Variants in SLC39A11 observed in about 807,000 individuals in gnomAD.
SLC39A11 encodes zinc transporter ZIP11.
SLC39A11 carries 33 observed loss-of-function variants against 36.1 expected under a neutral mutation model. The observed-to-expected ratio is 0.91, with a 90% CI of 0.69 to 1.22. SLC39A11 has a LOEUF of 1.22. Ranked by LOEUF, SLC39A11 falls within the 50% of genes most tolerant of loss-of-function variation. The pLI is 0.00. For synonymous variants in SLC39A11, 166 were observed against 170.3 expected (o/e 0.97, Z 0.20); for missense variants, 432 against 430.3 (o/e 1.00, Z -0.03).
rs1448943188 is a variant in SLC39A11 at position 72,689,074 on chromosome 17, G to A, written c.672-39806C>T. On this transcript the variant is annotated intron_variant, in intron 7 of 9. Coordinates refer to ENST00000255559, the MANE Select transcript of SLC39A11 (RefSeq NM_139177.4). Reference sequence around the variant, plus strand: ...CAGTCATCCCTGTCCTGTCTCCTGTGCCATGGACCCCTCCCGAGCCCCTTG... The same window carrying A: ...CAGTCATCCCTGTCCTGTCTCCTGTACCATGGACCCCTCCCGAGCCCCTTG... 2.6e-5 allele frequency among the ~76,000 whole-genome samples: 4 copies of A among 152,112 alleles called. No individual in the cohort carries two copies. In the East Asian group the frequency reaches 5.8e-4, roughly 22 times the overall value.
At chr17:72,843,250 G>T (rs1023465517) in intron 6 of SLC39A11, among the ~76,000 whole-genome samples, 1 of 152,004 alleles carries the variant, frequency 6.6e-6, no homozygotes, top group South Asian at 2.1e-4. Flanking sequence ...CGCCCGGCCT[G>T]GGGAGGGGTT....
rs138460069 is a variant in SLC39A11 at position 72,905,128 on chromosome 17, G to A, written c.430+42624C>T. ...GCGGAGCTTGCAGTGAGCTGAGATCGCACCACTGCACTCCAGCCTGGGCAA... is the reference window on the plus strand; with the variant it reads ...GCGGAGCTTGCAGTGAGCTGAGATCACACCACTGCACTCCAGCCTGGGCAA... On this transcript the variant is annotated intron_variant, in intron 5 of 9. Transcript: ENST00000255559. 4.8e-3 allele frequency among the ~76,000 whole-genome samples: 577 copies of A among 119,772 alleles called. 7 individuals are homozygous for A. Among genetic ancestry groups the A allele is most frequent in the African/African-American group, 0.017 (522 of 30,026 alleles). The allele number at this position is 119,772 out of a possible 152,430, so 78.6% of individuals were successfully genotyped here. A position where few individuals can be genotyped will look rare whatever the true frequency, so the allele number is the denominator to read the frequency against.
chr17:72,872,381 C>A (rs933425421), intron 5 of SLC39A11, among the ~76,000 whole-genome samples: 1 of 152,124 alleles, frequency 6.6e-6, no homozygotes. Flanking sequence ...CCCAACTCTG[C>A]CAGATTCTCA....
At chr17:72,882,710 G>A (rs1200139512) in intron 5 of SLC39A11, among the ~76,000 whole-genome samples, 1 of 151,978 alleles carries the variant, frequency 6.6e-6, no homozygotes, top group East Asian at 1.9e-4. Flanking sequence ...CATTGGCAAG[G>A]AAAGTAACAC....
intron 4 of SLC39A11, among the ~76,000 whole-genome samples, chr17:72,983,401 G>A (rs550886319): frequency 6.6e-6 from 1 of 152,132 alleles, no homozygotes; most frequent in Non-Finnish European, 1.5e-5. Flanking sequence ...CACCTGCCTC[G>A]GCCTCCCGAA....
intron 3 of SLC39A11, among the ~76,000 whole-genome samples, chr17:73,041,199 T>G (rs2059103906): frequency 6.6e-6 from 1 of 152,162 alleles, no homozygotes; most frequent in East Asian, 1.9e-4. Context: ...GCTTCCAAAT[T>G]CTCACTGGAG....
At chr17:72,872,120 T>C (rs1370634973) in intron 5 of SLC39A11, among the ~76,000 whole-genome samples, 2 of 152,212 alleles carry the variant, frequency 1.3e-5, no homozygotes, top group Non-Finnish European at 2.9e-5. Context: ...GTAATGTCTA[T>C]GATGGTGTCT....
intron 7 of SLC39A11, among the ~76,000 whole-genome samples, chr17:72,723,318 AAG>A (rs1491266075): frequency 2.7e-5 from 2 of 74,704 alleles, no homozygotes; most frequent in Admixed American, 3.4e-4. Context: ...GTAGGAGTGT[AAG>A]AGTGTGTGTG....
At chr17:73,004,227 GAAA>G (rs2090045927) in intron 4 of SLC39A11, among the ~76,000 whole-genome samples, 11 of 92,460 alleles carry the variant, frequency 1.2e-4, no homozygotes, top group Admixed American at 3.2e-4. Flanking sequence ...AAGAAAGAAA[GAAA>G]GAAAAGAAAG....
chr17:72,814,369 C>A (rs1377125155), intron 6 of SLC39A11, among the ~76,000 whole-genome samples: 2 of 152,210 alleles, frequency 1.3e-5, no homozygotes. Context: ...GAGACAAGAA[C>A]GACCATACCA....
chr17:72,692,746 G>T (rs1201571605), intron 7 of SLC39A11, among the ~76,000 whole-genome samples: 5 of 152,172 alleles, frequency 3.3e-5, no homozygotes, highest in African/African-American at 1.2e-4. Context: ...GAGAGGTAAA[G>T]AAAGTTGTTC....
intron 7 of SLC39A11, among the ~76,000 whole-genome samples, chr17:72,729,670 A>C (rs1049130353): frequency 1.5e-4 from 22 of 150,548 alleles, no homozygotes; most frequent in African/African-American, 5.4e-4. Flanking sequence ...TTTGTCCACC[A>C]GCCCTGAAAA....
At chr17:72,879,100 CT>C (rs1208748098) in intron 5 of SLC39A11, among the ~76,000 whole-genome samples, 6 of 152,228 alleles carry the variant, frequency 3.9e-5, no homozygotes, top group African/African-American at 1.4e-4. Context: ...GGGCGTGGAG[CT>C]TCCACGCCCT....
intron 7 of SLC39A11, among the ~76,000 whole-genome samples, chr17:72,692,162 C>T (rs972217459): frequency 6.6e-6 from 1 of 152,070 alleles, no homozygotes; most frequent in Non-Finnish European, 1.5e-5. Flanking sequence ...CAGGTGCCTG[C>T]CACCACACCT....
intron 4 of SLC39A11, among the ~76,000 whole-genome samples, chr17:72,989,772 G>C (rs1043874024): frequency 6.6e-6 from 1 of 152,134 alleles, no homozygotes; most frequent in Admixed American, 6.6e-5. Context: ...AGATCATTAC[G>C]TAAAGTCTCC....
chr17:73,053,724 T>TA, intron 3 of SLC39A11, among the ~76,000 whole-genome samples: 1 of 152,146 alleles, frequency 6.6e-6, no homozygotes. Flanking sequence ...TGTCCACTAA[T>TA]AAAAAAGGGC....
At chr17:72,948,593 A>C (rs1428193586) in intron 4 of SLC39A11, among the ~76,000 whole-genome samples, 1 of 152,224 alleles carries the variant, frequency 6.6e-6, no homozygotes, top group Non-Finnish European at 1.5e-5. Flanking sequence ...ACCATCTCAA[A>C]GGAAGGAAGC....
At chr17:72,654,824 C>A (rs2070030859) in intron 7 of SLC39A11, among the ~76,000 whole-genome samples, 1 of 152,232 alleles carries the variant, frequency 6.6e-6, no homozygotes, top group African/African-American at 2.4e-5. Flanking sequence ...AGCCCAATGT[C>A]ACTGACAAAT....
intron 7 of SLC39A11, among the ~76,000 whole-genome samples, chr17:72,660,668 G>A (rs1157069764): frequency 1.3e-5 from 2 of 152,166 alleles, no homozygotes. Context: ...GCCAGACTCA[G>A]GGGGTTTCGA....
Sources: gnomAD v4.1 joint callset for allele counts (sites outside exome capture counted in the v4.1 genomes callset) on GRCh38, gnomAD v4.1.1 for gene constraint, MANE v1.5 for transcripts, NCBI Gene and HGNC (gene_info 2026-07-23, HGNC 2026-07-21) for gene names.